NLRC5: variants seen among roughly 807,000 people sequenced by gnomAD.
The protein encoded by NLRC5 is NLR family CARD domain containing 5, also known as protein NLRC5.
NLRC5 carries 114 observed loss-of-function variants against 206.9 expected under a neutral mutation model. The ratio of observed to expected loss-of-function variants is 0.55; its 90% confidence interval spans 0.47 to 0.64. NLRC5 has a LOEUF of 0.64. Ranked by LOEUF, NLRC5 falls within the 30% of genes least tolerant of loss-of-function variation. The pLI is 0.00. For synonymous variants in NLRC5, 952 were observed against 962.8 expected (o/e 0.99, Z 0.21); for missense variants, 2,008 against 2,305.5 (o/e 0.87, Z 2.64).
chr16:57,014,666 CTT>C lies in NLRC5; in HGVS notation c.-127-2406_-127-2405del, dbSNP rs774956080. Reference sequence around the variant, plus strand: ...GTTAACTTAGAGTGGGTTTTATTTTCTTTCACTTTCTGTGGTCGAAGGCAAGT... The same window carrying C: ...GTTAACTTAGAGTGGGTTTTATTTTCTCACTTTCTGTGGTCGAAGGCAAGT... On this transcript the variant is annotated intron_variant, in intron 1 of 48. Coordinates refer to ENST00000688547, the MANE Select transcript of NLRC5 (RefSeq NM_001384950.1). 2.6e-5 allele frequency among the ~76,000 whole-genome samples: 4 copies of C among 152,018 alleles called. No homozygotes were observed. In the East Asian group the frequency reaches 7.8e-4, roughly 30 times the overall value.
At chr16:57,018,782 G>A (rs1291214665) in intron 2 of NLRC5, among the ~76,000 whole-genome samples, 1 of 152,162 alleles carries the variant, frequency 6.6e-6, no homozygotes, top group East Asian at 1.9e-4. Context: ...TTCCAAGTGT[G>A]TACTGCTATG....
At chr16:57,050,922 G>T (rs2064811405) in intron 23 of NLRC5, among the ~76,000 whole-genome samples, 1 of 152,064 alleles carries the variant, frequency 6.6e-6, no homozygotes, top group Non-Finnish European at 1.5e-5. Context: ...GTACGATCTT[G>T]GCTCACTGCA....
intron 46 of NLRC5, among the ~76,000 whole-genome samples, chr16:57,080,146 G>T (rs2068946837): frequency 6.6e-6 from 1 of 152,166 alleles, no homozygotes; most frequent in South Asian, 2.1e-4. Flanking sequence ...ACTAGCCTGG[G>T]ACCCTAACCA....
chr16:57,042,274 C>G (rs1770828954), intron 19 of NLRC5, among the ~76,000 whole-genome samples: 1 of 152,166 alleles, frequency 6.6e-6, no homozygotes, highest in Non-Finnish European at 1.5e-5. Flanking sequence ...ACTTCTGATT[C>G]AAGGTTTCAC....
intron 11 of NLRC5, among the ~76,000 whole-genome samples, chr16:57,032,201 G>A (rs1356081751): frequency 6.6e-6 from 1 of 151,958 alleles, no homozygotes; most frequent in African/African-American, 2.4e-5. Flanking sequence ...TTGATTCCAG[G>A]TGTTCAAGAC....
intron 1 of NLRC5, among the ~76,000 whole-genome samples, chr16:56,990,330 A>G (rs2142039026): frequency 6.6e-6 from 1 of 152,322 alleles, no homozygotes; most frequent in Non-Finnish European, 1.5e-5. Flanking sequence ...TAAAAACAAA[A>G]CCACAGTACC....
chr16:57,045,602 CA>C (rs1364005242), intron 21 of NLRC5, 110 bp downstream of exon 21: 14 of 983,774 alleles, frequency 1.4e-5, no homozygotes. Flanking sequence ...TCAGTTAAAC[CA>C]CCCAAGTCCG....
At chr16:57,006,526 C>T (rs1567514707) in intron 1 of NLRC5, among the ~76,000 whole-genome samples, 1 of 150,364 alleles carries the variant, frequency 6.7e-6, no homozygotes, top group South Asian at 2.1e-4. Context: ...GATCCTCCCA[C>T]CTCAGCCTCC....
intron 2 of NLRC5, among the ~76,000 whole-genome samples, chr16:57,017,965 T>C (rs779568407): frequency 2.6e-5 from 4 of 152,252 alleles, no homozygotes; most frequent in Non-Finnish European, 4.4e-5. Context: ...CTGATAATGA[T>C]GCCATGTGCT....
intron 34 of NLRC5, among the ~76,000 whole-genome samples, chr16:57,067,111 T>C (rs1446631899): frequency 6.6e-6 from 1 of 152,202 alleles, no homozygotes. Flanking sequence ...CAGCCCTGCA[T>C]GTGTACATTC....
intron 20 of NLRC5, among the ~76,000 whole-genome samples, chr16:57,044,733 A>G (rs1168405368): frequency 1.3e-5 from 2 of 152,000 alleles, no homozygotes; most frequent in Non-Finnish European, 2.9e-5. Flanking sequence ...AGCCTGGACA[A>G]CATGGTGAGA....
intron 3 of NLRC5, chr16:57,021,237 G>A: frequency 2.1e-6 from 1 of 485,626 alleles, no homozygotes; most frequent in Non-Finnish European, 3.7e-6. Flanking sequence ...TCGAATTGCT[G>A]AGTGACTGCT....
At chr16:57,022,889 C>T (rs1048283879) in intron 4 of NLRC5, among the ~76,000 whole-genome samples, 2 of 152,254 alleles carry the variant, frequency 1.3e-5, no homozygotes, top group African/African-American at 4.8e-5. Context: ...AGAAAACCCA[C>T]CCTATAACCT....
At chr16:57,058,688 G>A (rs534949104) in intron 28 of NLRC5, among the ~76,000 whole-genome samples, 6 of 152,324 alleles carry the variant, frequency 3.9e-5, no homozygotes, top group South Asian at 2.1e-4. Context: ...TGACCCATGC[G>A]GGGCTAGAGC....
chr16:57,018,998 C>T (rs1436161496), intron 2 of NLRC5, among the ~76,000 whole-genome samples: 1 of 152,114 alleles, frequency 6.6e-6, no homozygotes, highest in South Asian at 2.1e-4. Flanking sequence ...GGTTAGAGTC[C>T]TAGAAATGGA....
intron 8 of NLRC5, 62 bp downstream of exon 8, chr16:57,028,447 T>G (rs1178165573): frequency 3.1e-6 from 4 of 1,306,492 alleles, no homozygotes; most frequent in Non-Finnish European, 4.4e-6. Flanking sequence ...GGTCCCAGAG[T>G]CCCCCTGGGG....
chr16:56,999,650 A>G (rs1366161701), intron 1 of NLRC5, among the ~76,000 whole-genome samples: 1 of 152,248 alleles, frequency 6.6e-6, no homozygotes, highest in Non-Finnish European at 1.5e-5. Context: ...GTGCCAAGAA[A>G]CAGCTCCCAG....
At chr16:57,017,730 T>G (rs1416123020) in intron 2 of NLRC5, among the ~76,000 whole-genome samples, 1 of 152,236 alleles carries the variant, frequency 6.6e-6, no homozygotes, top group Admixed American at 6.5e-5. Context: ...AGGCATGACA[T>G]GAGTCTTTTT....
At chr16:57,041,353 T>C (rs1337299477) in intron 17 of NLRC5, 132 bp from the exon 18 acceptor site, 1 of 673,812 alleles carries the variant, frequency 1.5e-6, no homozygotes, top group Non-Finnish European at 2.6e-6. Flanking sequence ...TCTGTCTAGG[T>C]GCCAGATACA....
Sources: gnomAD v4.1 joint callset for allele counts (sites outside exome capture counted in the v4.1 genomes callset) on GRCh38, gnomAD v4.1.1 for gene constraint, MANE v1.5 for transcripts, NCBI Gene and HGNC (gene_info 2026-07-23, HGNC 2026-07-21) for gene names.